Variants in HSD17B4 observed in about 807,000 individuals in gnomAD.
HSD17B4 encodes the protein peroxisomal multifunctional enzyme type 2.
A neutral mutation model predicts 101.0 loss-of-function variants in HSD17B4; 70 were observed. The observed-to-expected ratio is 0.69, with a 90% CI of 0.57 to 0.85. The LOEUF is 0.85. Among genes scored for constraint, HSD17B4 ranks in the 40% least tolerant of loss-of-function variants. HSD17B4 has a pLI of 0.00. For missense variants in HSD17B4, 984 were observed against 892.4 expected, an observed-to-expected ratio of 1.10 and a Z score of -1.31; for synonymous variants, 347 against 297.1, an observed-to-expected ratio of 1.17 and a Z score of -1.73.
intron 17 of HSD17B4, among the ~76,000 whole-genome samples, chr5:119,521,396 G>A (rs1034575762): frequency 1.3e-5 from 2 of 151,954 alleles, no homozygotes; most frequent in Non-Finnish European, 2.9e-5. Context: ...TATACCTGGT[G>A]GGCCTTTTTA....
At chr5:119,516,298 A>G (rs1374286201) in intron 17 of HSD17B4, among the ~76,000 whole-genome samples, 1 of 152,184 alleles carries the variant, frequency 6.6e-6, no homozygotes. Flanking sequence ...GTACTAAAAA[A>G]CAGAAAAGGC....
At chr5:119,482,683 T>C (rs544367714) in intron 8 of HSD17B4, among the ~76,000 whole-genome samples, 2 of 152,234 alleles carry the variant, frequency 1.3e-5, no homozygotes, top group African/African-American at 2.4e-5. Context: ...TCTTGTTTTT[T>C]TATACTCTGT....
At chr5:119,465,284 G>T (rs1419059157) in intron 2 of HSD17B4, among the ~76,000 whole-genome samples, 1 of 152,070 alleles carries the variant, frequency 6.6e-6, no homozygotes, top group African/African-American at 2.4e-5. Context: ...GTTTGGTATT[G>T]GTTTATATGG....
intron 12 of HSD17B4, among the ~76,000 whole-genome samples, chr5:119,497,408 G>A (rs1750747274): frequency 6.6e-6 from 1 of 152,164 alleles, no homozygotes; most frequent in Admixed American, 6.5e-5. Flanking sequence ...TGCCTGGACT[G>A]TCTGTCTTCC....
At chr5:119,476,612 TA>T in intron 6 of HSD17B4, 3 of 985,190 alleles carry the variant, frequency 3.0e-6, no homozygotes, top group Non-Finnish European at 3.6e-6. Context: ...GAAGAGCTTT[TA>T]GTTTCTGCTT....
rs758681224 is a variant in HSD17B4, at chr5:119,499,417, C to T, written c.1073C>T (p.Pro358Leu). 9 of 1,613,432 alleles carry T rather than the reference C, an allele frequency of 5.6e-6. No individual in the cohort carries two copies. The South Asian group carries it at 8.8e-5, about 16-fold the overall frequency. Reference sequence around the variant, plus strand: ...GGAGTGGGAGCGTCAATCAAGGATCCAAAAGATTTGAAATTTATTTATGAA... The same window carrying T: ...GGAGTGGGAGCGTCAATCAAGGATCTAAAAGATTTGAAATTTATTTATGAA... ...ALGVGASIKD[P>L]KDLKFIYEGS... Residue 358 changes from proline (P) to leucine (L), a missense_variant, in exon 13 of 24, where the codon CCA becomes CTA. By Grantham distance (98) the Pro-to-Leu change is moderately conservative. Coordinates refer to ENST00000510025, the MANE Select transcript of HSD17B4 (RefSeq NM_000414.4).
chr5:119,539,373 A>AC (rs1220568090), intron 23 of HSD17B4, among the ~76,000 whole-genome samples: 1 of 141,808 alleles, frequency 7.1e-6, no homozygotes, highest in African/African-American at 2.6e-5. Flanking sequence ...ACATGTGGGA[A>AC]TTGAACAATG....
chr5:119,505,849 T>C (rs1371998594), intron 14 of HSD17B4, among the ~76,000 whole-genome samples: 2 of 152,220 alleles, frequency 1.3e-5, no homozygotes, highest in East Asian at 1.9e-4. Context: ...GCTCAACAAA[T>C]GTTTGTTGAA....
rs183518958 is a variant in HSD17B4 at position 119,508,797 on chromosome 5, T to G, written c.1334-344T>G. Among the ~76,000 whole-genome samples the G allele has an allele frequency of 3.3e-4, 51 of 152,336 alleles. No individual in the cohort carries two copies. The East Asian group carries it at 7.5e-3, about 22-fold the overall frequency. ...GGCAGAATGTTTGAAAGTTCGAGTG[T>G]GGTTACCTGTACTTTCTAGTGGGAT... On this transcript the variant is annotated intron_variant, in intron 15 of 23. Transcript: ENST00000510025.
At chr5:119,541,655 A>G (rs887093949) in intron 23 of HSD17B4, among the ~76,000 whole-genome samples, 3 of 152,210 alleles carry the variant, frequency 2.0e-5, no homozygotes, top group Non-Finnish European at 4.4e-5. Flanking sequence ...CAGAACTCCC[A>G]GATCCATGAG....
Position 119,475,732 on chromosome 5 carries a change from GTATT to G in HSD17B4, c.302+7_302+10del, listed in dbSNP as rs1561442170. 1 of 1,597,562 alleles carries G rather than the reference GTATT, an allele frequency of 6.3e-7. No individual in the cohort carries two copies. The highest frequency in any genetic ancestry group is 8.6e-7 in the Non-Finnish European group (1 of 1,166,420). On this transcript the variant is annotated splice_donor_region_variant and intron_variant, in intron 5 of 23. Coordinates refer to ENST00000510025, the MANE Select transcript of HSD17B4 (RefSeq NM_000414.4). ...TGTTGTGGTCAACAATGCTGGGTGA[GTATT>G]TCTTTTTCATTTTTAGTGATGTGTG...
chr5:119,452,769 G>C (rs534903319), intron 1 of HSD17B4, 136 bp downstream of exon 1: 1 of 1,569,190 alleles, frequency 6.4e-7, no homozygotes, highest in African/African-American at 1.3e-5. Flanking sequence ...TATTCTTGAG[G>C]CACCGCATCT....
intron 9 of HSD17B4, among the ~76,000 whole-genome samples, chr5:119,489,626 G>T (rs1026415141): frequency 1.3e-5 from 2 of 152,066 alleles, no homozygotes; most frequent in African/African-American, 4.8e-5. Flanking sequence ...TTCTTATTCT[G>T]GGAATTGCAG....
chr5:119,512,094 A>G (rs892312823), intron 16 of HSD17B4, among the ~76,000 whole-genome samples: 11 of 152,222 alleles, frequency 7.2e-5, no homozygotes, highest in African/African-American at 2.7e-4. Flanking sequence ...GAAGGGCCAA[A>G]TGTAGATTTG....
intron 2 of HSD17B4, among the ~76,000 whole-genome samples, chr5:119,471,465 C>G (rs774909358): frequency 3.3e-5 from 5 of 151,952 alleles, no homozygotes; most frequent in Non-Finnish European, 7.4e-5. Flanking sequence ...CATATTATCC[C>G]ATTACTTATT....
intron 19 of HSD17B4, 138 bp downstream of exon 19, chr5:119,526,161 A>G (rs980697223): frequency 1.5e-6 from 1 of 661,510 alleles, no homozygotes; most frequent in Middle Eastern, 4.0e-4. Context: ...TTGACCTGGC[A>G]ATCAGCACAC....
chr5:119,515,447 C>T (rs1170228535), intron 17 of HSD17B4, among the ~76,000 whole-genome samples: 2 of 152,048 alleles, frequency 1.3e-5, no homozygotes, highest in African/African-American at 2.4e-5. Context: ...GGAAAGAAAG[C>T]AATGCCACAC....
chr5:119,476,546 G>C, intron 6 of HSD17B4: 2 of 984,922 alleles, frequency 2.0e-6, no homozygotes, highest in Non-Finnish European at 2.4e-6. Flanking sequence ...TGGGGGAATA[G>C]TGCCTGACTG....
chr5:119,489,427 G>A (rs1749901341), intron 9 of HSD17B4, 144 bp downstream of exon 9: 2 of 654,968 alleles, frequency 3.1e-6, no homozygotes, highest in Non-Finnish European at 5.5e-6. Flanking sequence ...TCCATTTTTT[G>A]GAAAGTAATA....
Sources: allele counts gnomAD v4.1 joint callset (sites outside exome capture counted in the v4.1 genomes callset), GRCh38; gene constraint gnomAD v4.1.1; transcripts MANE v1.5; gene names NCBI Gene and HGNC (gene_info 2026-07-23, HGNC 2026-07-21).